Variants in PNPLA1 observed in about 807,000 individuals in gnomAD.
PNPLA1 encodes omega-hydroxyceramide transacylase.
Under a neutral mutation model 51.7 loss-of-function variants are expected in PNPLA1, and 36 were observed. That is an observed-to-expected ratio of 0.70 (90% CI 0.53 to 0.92). The LOEUF is 0.92. Among genes scored for constraint, PNPLA1 ranks in the 40% least tolerant of loss-of-function variants. The pLI, the probability that PNPLA1 is intolerant of heterozygous loss-of-function variation, is 0.00. For missense variants in PNPLA1, 658 were observed against 682.5 expected, an observed-to-expected ratio of 0.96 and a Z score of 0.40; for synonymous variants, 293 against 280.1, an observed-to-expected ratio of 1.05 and a Z score of -0.46.
chr6:36,303,552 C>A (rs533506532), intron 6 of PNPLA1, among the ~76,000 whole-genome samples: 4 of 152,188 alleles, frequency 2.6e-5, no homozygotes, highest in East Asian at 1.9e-4. Flanking sequence ...CAATCAGGGA[C>A]TGGGTGTGGT....
At chr6:36,305,762 T>G (rs889208406) in intron 6 of PNPLA1, among the ~76,000 whole-genome samples, 18 of 143,504 alleles carry the variant, frequency 1.3e-4, no homozygotes, top group African/African-American at 4.4e-4. Context: ...TTTTCTTTAC[T>G]TTTCTCTTTT....
At chr6:36,267,106 G>A (rs144703356), upstream of PNPLA1, among the ~76,000 whole-genome samples, 114 of 152,286 alleles carry the variant, frequency 7.5e-4, no homozygotes, top group Non-Finnish European at 1.3e-3. Context: ...ATTTCCTCAG[G>A]GATGGATGAG....
In PNPLA1 at chr6:36,291,530, C is replaced by A. The variant is rs377709223; in HGVS notation, c.416C>A (p.Thr139Lys). ...DGENVVVSEF[T>K]SKEELIEALY... is the part of the protein sequence containing the mutation. ...GAGAATGTGGTGGTTTCAGAGTTCACGTCCAAGGAGGAGCTCATTGAGGCA... is the reference window on the plus strand; with the variant it reads ...GAGAATGTGGTGGTTTCAGAGTTCAAGTCCAAGGAGGAGCTCATTGAGGCA... The change falls in exon 2 of 9, where the codon ACG (threonine) becomes AAG (lysine). Residue 139 changes from threonine (T) to lysine (K), a missense_variant. Transcript: ENST00000636260. 8 of 1,464,714 alleles carry A rather than the reference C, an allele frequency of 5.5e-6. No homozygotes were observed. The highest frequency in any genetic ancestry group is 3.8e-5 in the Admixed American group (2 of 53,130). 90.7% of individuals were successfully genotyped at this position (1,464,714 alleles called of 1,614,324 possible). A position where few individuals can be genotyped will look rare whatever the true frequency, so the allele number is the denominator to read the frequency against.
chr6:36,247,807 A>C (rs1769329884), intron 1 of PNPLA1, among the ~76,000 whole-genome samples: 1 of 152,196 alleles, frequency 6.6e-6, no homozygotes, highest in Non-Finnish European at 1.5e-5. Flanking sequence ...CTCGAGCCCT[A>C]ATCACAGGAT....
At chr6:36,280,797 T>C (rs1770255218) in intron 1 of PNPLA1, among the ~76,000 whole-genome samples, 1 of 152,176 alleles carries the variant, frequency 6.6e-6, no homozygotes. Context: ...TTGTTATTGT[T>C]GTTGTTGTTT....
upstream of PNPLA1, among the ~76,000 whole-genome samples, chr6:36,268,632 G>A (rs1455483553): frequency 5.3e-5 from 8 of 152,196 alleles, no homozygotes; most frequent in East Asian, 1.2e-3. Context: ...GCTCAGCCCC[G>A]CCTCCTAACT....
At chr6:36,250,016 C>T (rs1387413126) in intron 1 of PNPLA1, among the ~76,000 whole-genome samples, 2 of 152,196 alleles carry the variant, frequency 1.3e-5, no homozygotes, top group Non-Finnish European at 2.9e-5. Flanking sequence ...TGAGCCTCCA[C>T]TAATAAATAT....
At position 36,312,194 on chromosome 6, in the gene PNPLA1, ATGGCAC is replaced by A. The variant is rs1301247189; in HGVS notation, c.*311_*316del. Reference sequence around the variant, plus strand: ...TCTGCGAATCGCCTACCCCTTTTATATGGCACTGTACCCTTGTATAGTGTAAAATCT... The same window carrying A: ...TCTGCGAATCGCCTACCCCTTTTATATGTACCCTTGTATAGTGTAAAATCT... On this transcript the variant is annotated 3_prime_UTR_variant, in exon 9 of 9. Coordinates refer to ENST00000636260, the MANE Select transcript of PNPLA1 (RefSeq NM_001374623.1). 1.3e-5 allele frequency: 2 copies of A among 152,142 alleles called. No homozygotes were observed. Among genetic ancestry groups the A allele is most frequent in the South Asian group, 2.1e-4 (1 of 4,828 alleles). The allele number at this position is 152,142 out of a possible 1,614,324, so 9.4% of individuals were successfully genotyped here. A position where few individuals can be genotyped will look rare whatever the true frequency, so the allele number is the denominator to read the frequency against.
At chr6:36,251,766 C>G (rs1256782567) in intron 1 of PNPLA1, among the ~76,000 whole-genome samples, 2 of 151,950 alleles carry the variant, frequency 1.3e-5, no homozygotes, top group African/African-American at 4.8e-5. Flanking sequence ...AGTGAGAGAC[C>G]CGTCTCTACA....
intron 1 of PNPLA1, among the ~76,000 whole-genome samples, chr6:36,244,351 T>A (rs1769216946): frequency 6.6e-6 from 1 of 152,066 alleles, no homozygotes; most frequent in Admixed American, 6.5e-5. Context: ...TCTTCCCCAT[T>A]TTTTAGACAA....
chr6:36,245,562 G>A (rs1401781469), intron 1 of PNPLA1, among the ~76,000 whole-genome samples: 1 of 152,240 alleles, frequency 6.6e-6, no homozygotes, highest in African/African-American at 2.4e-5. Flanking sequence ...CTGGCTATCA[G>A]GATGCTGGTC....
At chr6:36,295,603 C>A (rs1187081097) in intron 5 of PNPLA1, among the ~76,000 whole-genome samples, 179 bp downstream of exon 5, 2 of 152,296 alleles carry the variant, frequency 1.3e-5, no homozygotes, top group South Asian at 4.1e-4. Context: ...GCCCAGACCG[C>A]TGGGTCCAGA....
chr6:36,280,993 AT>A (rs1770262861), intron 1 of PNPLA1, among the ~76,000 whole-genome samples: 1 of 152,122 alleles, frequency 6.6e-6, no homozygotes, highest in Admixed American at 6.5e-5. Context: ...GGGTCTCACT[AT>A]GTTACCCACA....
intron 6 of PNPLA1, among the ~76,000 whole-genome samples, chr6:36,303,300 A>G (rs145885846): frequency 0.012 from 1,845 of 152,232 alleles, 40 homozygotes; most frequent in African/African-American, 0.04. Flanking sequence ...TCACTGTGTT[A>G]GCCAGGATGG....
At chr6:36,277,366 T>A (rs553915571) in intron 1 of PNPLA1, among the ~76,000 whole-genome samples, 9 of 152,344 alleles carry the variant, frequency 5.9e-5, no homozygotes, top group Non-Finnish European at 1.2e-4. Context: ...TGGTCACACC[T>A]GACTGCAAGA....
chr6:36,301,840 C>T, intron 5 of PNPLA1, 21 bp from the exon 6 acceptor site: 1 of 1,603,150 alleles, frequency 6.2e-7, no homozygotes, highest in African/African-American at 1.3e-5. Context: ...GAGTAACACC[C>T]CATGCTATTG....
At chr6:36,265,200 G>A (rs1319214709), upstream of PNPLA1, among the ~76,000 whole-genome samples, 1 of 152,170 alleles carries the variant, frequency 6.6e-6, no homozygotes, top group South Asian at 2.1e-4. Flanking sequence ...AATTAGCTGG[G>A]CGTTTTGGCA....
At chr6:36,300,180 A>T (rs59237139) in intron 5 of PNPLA1, among the ~76,000 whole-genome samples, 13,488 of 55,686 alleles carry the variant, frequency 0.24, 955 homozygotes, top group East Asian at 0.51. Flanking sequence ...TGTGTGTGTG[A>T]GAGAGAGAGA....
chr6:36,290,692 G>A (rs1582077019), intron 1 of PNPLA1, among the ~76,000 whole-genome samples: 1 of 152,158 alleles, frequency 6.6e-6, no homozygotes, highest in African/African-American at 2.4e-5. Flanking sequence ...TGGCACAGGC[G>A]AGCCTTACAT....
Sources: gnomAD v4.1 joint callset for allele counts (sites outside exome capture counted in the v4.1 genomes callset) on GRCh38, gnomAD v4.1.1 for gene constraint, MANE v1.5 for transcripts, NCBI Gene and HGNC (gene_info 2026-07-23, HGNC 2026-07-21) for gene names.